The following ABLIM2 variants were observed in gnomAD, a reference collection of about 807,000 sequenced individuals.
ABLIM2 encodes the protein actin-binding LIM protein 2.
Under a neutral mutation model 97.7 loss-of-function variants are expected in ABLIM2, and 53 were observed. The ratio of observed to expected loss-of-function variants is 0.54; its 90% CI spans 0.44 to 0.68. The LOEUF (loss-of-function observed/expected upper bound fraction) is 0.68. Among genes scored for constraint, ABLIM2 ranks in the 30% least tolerant of loss-of-function variants. The pLI is 0.00. For synonymous variants in ABLIM2, 361 were observed against 345.8 expected, an observed-to-expected ratio of 1.04 and a Z score of -0.49; for missense variants, 835 against 867.2, an observed-to-expected ratio of 0.96 and a Z score of 0.47.
intron 14 of ABLIM2, among the ~76,000 whole-genome samples, chr4:8,016,007 G>A (rs1490497012): frequency 6.7e-6 from 1 of 148,770 alleles, no homozygotes; most frequent in Non-Finnish European, 1.5e-5. Context: ...TACTATTCCT[G>A]TCTGTAATAA....
intron 1 of ABLIM2, among the ~76,000 whole-genome samples, chr4:8,133,964 A>G (rs948132256): frequency 6.6e-6 from 1 of 151,694 alleles, no homozygotes; most frequent in Non-Finnish European, 1.5e-5. Flanking sequence ...GGGTCTCGTC[A>G]TGCATGAAGC....
intron 6 of ABLIM2, among the ~76,000 whole-genome samples, chr4:8,076,399 C>T (rs1178116607): frequency 2.0e-5 from 3 of 152,180 alleles, no homozygotes; most frequent in Non-Finnish European, 4.4e-5. Context: ...CAAGGGTACA[C>T]CCCATTCCAC....
chr4:8,047,605 G>A (rs1036995080), intron 8 of ABLIM2, among the ~76,000 whole-genome samples: 2 of 152,224 alleles, frequency 1.3e-5, no homozygotes, highest in East Asian at 3.9e-4. Flanking sequence ...TAGTTCTGAG[G>A]TATGTGACAT....
At chr4:8,126,370 C>T (rs925936731) in intron 1 of ABLIM2, among the ~76,000 whole-genome samples, 1 of 151,966 alleles carries the variant, frequency 6.6e-6, no homozygotes, top group African/African-American at 2.4e-5. Flanking sequence ...GGCCCCCTCC[C>T]CTGTGTACCC....
chr4:8,007,045 C>CT lies in ABLIM2; in HGVS notation c.1618+1013dup, dbSNP rs1169085425. On this transcript the variant is annotated intron_variant, in intron 16 of 20. Coordinates refer to ENST00000447017, the MANE Select transcript of ABLIM2 (RefSeq NM_001130083.2). ...ACACCTTTCTTTGTTTAAAGTGATT[C>CT]TTTAACACATCATCATTTCCAAGCT... is the stretch of plus-strand genomic sequence containing the variant. The CT allele has an allele frequency of 2.8e-5, 28 of 985,300 alleles. 1 individual carries two copies. Among genetic ancestry groups the CT allele is most frequent in the Non-Finnish European group, 1.2e-6 (1 of 829,942 alleles). 61.0% of individuals were successfully genotyped at this position (985,300 alleles called of 1,614,324 possible).
rs771514575 is a variant in ABLIM2 at position 8,088,284 on chromosome 4, C to T, written c.339G>A (p.Arg113=). The T allele has an allele frequency of 6.2e-7, 1 of 1,611,514 alleles. No individual in the cohort carries two copies. The highest frequency in any genetic ancestry group is 1.1e-5 in the South Asian group (1 of 90,686). ...HPDCFVCAVC[R]LPFPPGDRVT... is the part of the protein sequence containing the mutation. ...CTCGGTCCCCGGGGGGGAAGGGCAG[C>T]CTGAAACAAGAGAGCTCGTTACCAG... Residue 113 remains arginine, a splice_region_variant and synonymous_variant, in exon 4 of 21, where the codon CGG becomes CGA. Transcript: ENST00000447017.
chr4:8,095,700 G>C lies in ABLIM2; in HGVS notation c.338+1399C>G, dbSNP rs1371450607. The stretch of plus-strand genomic sequence containing the variant: ...GCCCAGCCAGCATGATCTTCCTGAG[G>C]CTCGTTTTGTGCTTTGGTAGAGCAG... On this transcript the variant is annotated intron_variant, in intron 3 of 20. Transcript: ENST00000447017. This position sits in a 1 kb window ranked among gnomAD's most constrained non-coding sequence, Gnocchi z 4.7. Among the ~76,000 whole-genome samples the C allele has an allele frequency of 6.6e-6, 1 of 152,142 alleles. No homozygotes were observed. The highest frequency in any genetic ancestry group is 1.9e-4 in the East Asian group (1 of 5,200).
At chr4:8,008,959 A>G in intron 15 of ABLIM2, 91 bp downstream of exon 15, 2 of 1,457,238 alleles carry the variant, frequency 1.4e-6, no homozygotes, top group East Asian at 4.5e-5. Flanking sequence ...ATGTAAGAGG[A>G]AGATTCGAAG....
chr4:7,987,483 T>C (rs1745218997), intron 17 of ABLIM2, among the ~76,000 whole-genome samples: 1 of 143,124 alleles, frequency 7.0e-6, no homozygotes, highest in African/African-American at 2.8e-5. Context: ...GCACCTGTTC[T>C]GGTCAGGGAA....
At position 7,970,339 on chromosome 4, in the gene ABLIM2, G is replaced by GT. The variant is rs1220612357; in HGVS notation, c.1825-3237dup. 1.3e-5 allele frequency among the ~76,000 whole-genome samples: 2 copies of GT among 152,098 alleles called. No individual in the cohort carries two copies. The highest frequency in any genetic ancestry group is 4.8e-5 in the African/African-American group (2 of 41,430). Reference sequence around the variant, plus strand: ...CTAAGGGAGGGGCGCAAAGGTGCTGGTGGGCAGAGGGAAGGTGTCAAGGGG... The same window carrying GT: ...CTAAGGGAGGGGCGCAAAGGTGCTGGTTGGGCAGAGGGAAGGTGTCAAGGGG... On this transcript the variant is annotated intron_variant, in intron 20 of 20. Coordinates refer to ENST00000447017, the MANE Select transcript of ABLIM2 (RefSeq NM_001130083.2). The surrounding 1 kb of genome is among the most constrained non-coding windows in gnomAD (Gnocchi z 5.3).
chr4:8,039,280 C>T (rs893581643), intron 9 of ABLIM2, among the ~76,000 whole-genome samples: 7 of 152,282 alleles, frequency 4.6e-5, no homozygotes, highest in Middle Eastern at 3.4e-3. Flanking sequence ...CTCCAAGCAG[C>T]GATGATCACA....
rs182024294 is a variant in ABLIM2, at chr4:8,027,448, G to A, written c.1267+311C>T. On this transcript the variant is annotated intron_variant, in intron 12 of 20. Transcript: ENST00000447017. ...CGGCTGACACATGAAATCAGAGGTG[G>A]TGACTTGGGTAGGGGTTCTGAGGAC... is the stretch of plus-strand genomic sequence containing the variant. 2.6e-5 allele frequency among the ~76,000 whole-genome samples: 4 copies of A among 152,368 alleles called. No homozygotes were observed. The East Asian group carries it at 7.7e-4, about 29-fold the overall frequency.
intron 12 of ABLIM2, chr4:8,020,748 G>A (rs1773044824): frequency 5.7e-6 from 1 of 175,436 alleles, no homozygotes; most frequent in Non-Finnish European, 1.2e-5. Flanking sequence ...TAGGATTAAA[G>A]CACTAAAATG....
chr4:8,094,427 C>A (rs1335913099), intron 3 of ABLIM2, among the ~76,000 whole-genome samples: 4 of 152,138 alleles, frequency 2.6e-5, no homozygotes, highest in African/African-American at 7.2e-5. Context: ...GTGCGCAATT[C>A]CTGTCCCTTT....
At chr4:8,105,426 C>T (rs1328478837) in intron 2 of ABLIM2, among the ~76,000 whole-genome samples, 2 of 152,234 alleles carry the variant, frequency 1.3e-5, no homozygotes, top group Non-Finnish European at 1.5e-5. Context: ...AAGAGCCTGG[C>T]GCACAGCAGG....
At chr4:8,060,134 A>G (rs1274501229) in intron 7 of ABLIM2, among the ~76,000 whole-genome samples, 1 of 152,202 alleles carries the variant, frequency 6.6e-6, no homozygotes, top group African/African-American at 2.4e-5. Context: ...TTCCCCTTAT[A>G]AGAGTCGTTG....
In ABLIM2 at chr4:8,023,981, CT is replaced by C. The variant is rs1200823069; in HGVS notation, c.1268-3679del. Among the ~76,000 whole-genome samples, 1 of 152,206 alleles carries C rather than the reference CT, an allele frequency of 6.6e-6. No homozygotes were observed. Among genetic ancestry groups the C allele is most frequent in the African/African-American group, 2.4e-5 (1 of 41,458 alleles). On this transcript the variant is annotated intron_variant, in intron 12 of 20. Coordinates refer to ENST00000447017, the MANE Select transcript of ABLIM2 (RefSeq NM_001130083.2). This position sits in a 1 kb window ranked among gnomAD's most constrained non-coding sequence, Gnocchi z 5.7. ...CAGGCCAGGTAGGATGATGCCCATGCTGCAATGCACAGCCACATCCTGGGTC... is the reference window on the plus strand; with the variant it reads ...CAGGCCAGGTAGGATGATGCCCATGCGCAATGCACAGCCACATCCTGGGTC...
At position 8,001,604 on chromosome 4, in the gene ABLIM2, C is replaced by T. The variant is rs1208756356; in HGVS notation, c.1618+6455G>A. ...CTCAGAGAGCACCCTGCCTGCCCAG[C>T]AGGAGGCCAGGCCTTCCAGAAAGGT... On this transcript the variant is annotated intron_variant, in intron 16 of 20. Coordinates refer to ENST00000447017, the MANE Select transcript of ABLIM2 (RefSeq NM_001130083.2). This position sits in a 1 kb window ranked among gnomAD's most constrained non-coding sequence, Gnocchi z 4.2. Among the ~76,000 whole-genome samples, 1 of 152,108 alleles carries T rather than the reference C, an allele frequency of 6.6e-6. No homozygotes were observed. Among genetic ancestry groups the T allele is most frequent in the Non-Finnish European group, 1.5e-5 (1 of 67,988 alleles).
Position 7,988,999 on chromosome 4 carries a change from TTTGA to T in ABLIM2, c.1680+3863_1680+3866del, listed in dbSNP as rs1189892927. 7.2e-5 allele frequency among the ~76,000 whole-genome samples: 11 copies of T among 152,208 alleles called. No individual in the cohort carries two copies. In the East Asian group the frequency reaches 9.6e-4, roughly 13 times the overall value. ...AAGAGATATATTTTTCATATACCTA[TTTGA>T]TTGTTTGCTATTTGTACTATTTAAT... On this transcript the variant is annotated intron_variant, in intron 17 of 20. Coordinates refer to ENST00000447017, the MANE Select transcript of ABLIM2 (RefSeq NM_001130083.2).
Sources: gnomAD v4.1 joint callset for allele counts (sites outside exome capture counted in the v4.1 genomes callset) on GRCh38, gnomAD v4.1.1 for gene constraint, Gnocchi (gnomAD v3.1) non-coding constraint, MANE v1.5 for transcripts, NCBI Gene and HGNC (gene_info 2026-07-23, HGNC 2026-07-21) for gene names.